DRC8: variants seen among roughly 807,000 people sequenced by gnomAD.
DRC8 encodes the protein dynein regulatory complex subunit 8, also known as dynein regulatory complex protein 8.
chr1:245,102,395 G>C, the DRC8 span, among the ~76,000 whole-genome samples: 40 of 151,896 alleles, frequency 2.6e-4, 1 homozygote, highest in Non-Finnish European at 4.0e-4. Context: ...TGTCGCCCAG[G>C]CTGGAGTGGA....
chr1:245,041,082 G>A, the DRC8 span, among the ~76,000 whole-genome samples: 2 of 152,180 alleles, frequency 1.3e-5, no homozygotes, highest in South Asian at 2.1e-4. Flanking sequence ...TAGTTTAGAC[G>A]TTCTGGTCAG....
chr1:245,034,224 C>T, the DRC8 span, among the ~76,000 whole-genome samples: 1 of 152,114 alleles, frequency 6.6e-6, no homozygotes, highest in African/African-American at 2.4e-5. Context: ...AAAAAAAGCC[C>T]TTCTTAGTTC....
the DRC8 span, among the ~76,000 whole-genome samples, chr1:244,996,175 G>C: frequency 6.6e-6 from 1 of 152,210 alleles, no homozygotes; most frequent in Non-Finnish European, 1.5e-5. Flanking sequence ...CTGATGGATT[G>C]GTTGGGCAGA....
the DRC8 span, among the ~76,000 whole-genome samples, chr1:245,095,614 C>T: frequency 6.6e-6 from 1 of 152,158 alleles, no homozygotes; most frequent in African/African-American, 2.4e-5. Flanking sequence ...ACTCCAGCCT[C>T]GAACTCCTGG....
chr1:245,024,244 A>G, the DRC8 span, among the ~76,000 whole-genome samples: 2 of 152,134 alleles, frequency 1.3e-5, no homozygotes, highest in African/African-American at 4.8e-5. Context: ...TTACTAATGG[A>G]CGTTTAAGTT....
the DRC8 span, chr1:244,970,227 G>GT: frequency 1.3e-6 from 1 of 754,850 alleles, no homozygotes; most frequent in Non-Finnish European, 2.3e-6. Flanking sequence ...CGCGAGGGTC[G>GT]TGGCGCGAAA....
chr1:245,057,699 C>T, the DRC8 span, among the ~76,000 whole-genome samples: 1 of 149,870 alleles, frequency 6.7e-6, no homozygotes, highest in Admixed American at 6.6e-5. Context: ...TTTATGAGGT[C>T]CGTGGGCTAT....
the DRC8 span, among the ~76,000 whole-genome samples, chr1:244,979,980 G>A: frequency 6.9e-6 from 1 of 144,758 alleles, no homozygotes; most frequent in African/African-American, 2.5e-5. Flanking sequence ...CGAGGCAGGT[G>A]GATCACGAGG....
chr1:245,035,839 T>G, the DRC8 span, among the ~76,000 whole-genome samples: 1 of 145,296 alleles, frequency 6.9e-6, no homozygotes, highest in Non-Finnish European at 1.5e-5. Flanking sequence ...TGCACTCCAG[T>G]CTGGGCAACA....
the DRC8 span, among the ~76,000 whole-genome samples, chr1:245,066,730 A>G: frequency 6.6e-6 from 1 of 152,180 alleles, no homozygotes; most frequent in East Asian, 1.9e-4. Context: ...ACATGGTGAA[A>G]CCCCATCTCT....
At chr1:245,027,573 GT>G in the DRC8 span, among the ~76,000 whole-genome samples, 2 of 152,056 alleles carry the variant, frequency 1.3e-5, no homozygotes, top group Admixed American at 6.6e-5. Flanking sequence ...GTCCTTGTGT[GT>G]TTTTTTAAAC....
At chr1:245,120,810 T>C in the DRC8 span, among the ~76,000 whole-genome samples, 1 of 152,262 alleles carries the variant, frequency 6.6e-6, no homozygotes, top group African/African-American at 2.4e-5. Flanking sequence ...GGGTGATACA[T>C]GAATAACGTG....
the DRC8 span, chr1:245,017,400 T>A: frequency 7.0e-7 from 1 of 1,436,310 alleles, no homozygotes; most frequent in Non-Finnish European, 9.4e-7. Flanking sequence ...AGAGCTATTT[T>A]CTCTTTTTAC....
chr1:244,992,430 T>C, the DRC8 span, among the ~76,000 whole-genome samples: 9 of 152,094 alleles, frequency 5.9e-5, no homozygotes, highest in Admixed American at 5.9e-4. Flanking sequence ...ACAACTAGGA[T>C]TACAGAAGTA....
chr1:244,992,752 C>CA, the DRC8 span, among the ~76,000 whole-genome samples: 325 of 151,974 alleles, frequency 2.1e-3, 2 homozygotes, highest in Non-Finnish European at 1.3e-3. Context: ...AAAAAGCCCC[C>CA]AAAAAAACAA....
the DRC8 span, among the ~76,000 whole-genome samples, chr1:244,975,415 T>G: frequency 0.092 from 14,068 of 152,314 alleles, 821 homozygotes; most frequent in East Asian, 0.25. Flanking sequence ...AAGCTCTAAT[T>G]ATCTGATCTT....
At chr1:245,066,274 T>C in the DRC8 span, among the ~76,000 whole-genome samples, 11 of 152,352 alleles carry the variant, frequency 7.2e-5, no homozygotes, top group East Asian at 3.9e-4. Flanking sequence ...AGAAGTTTCA[T>C]TGATATTTGA....
the DRC8 span, among the ~76,000 whole-genome samples, chr1:245,110,915 A>G: frequency 6.6e-6 from 1 of 152,246 alleles, no homozygotes; most frequent in Non-Finnish European, 1.5e-5. Context: ...TAGACACTAT[A>G]AAATGGGAGG....
the DRC8 span, among the ~76,000 whole-genome samples, chr1:245,037,874 T>C: frequency 6.6e-6 from 1 of 152,008 alleles, no homozygotes; most frequent in Non-Finnish European, 1.5e-5. Context: ...TAATGGAAAA[T>C]AAGACTCATT....
Sources: gnomAD v4.1 joint callset for allele counts (sites outside exome capture counted in the v4.1 genomes callset) on GRCh38, gnomAD v4.1.1 for gene constraint, MANE v1.5 for transcripts, NCBI Gene and HGNC (gene_info 2026-07-23, HGNC 2026-07-21) for gene names.